The following VLDLR variants were observed in gnomAD, a reference collection of about 807,000 sequenced individuals.
The protein encoded by VLDLR is very low density lipoprotein receptor.
Under a neutral mutation model 112.7 loss-of-function variants are expected in VLDLR, and 81 were observed. The ratio of observed to expected loss-of-function variants is 0.72; its 90% CI spans 0.60 to 0.86. The LOEUF (loss-of-function observed/expected upper bound fraction) is 0.86. VLDLR is among the 40% of genes least tolerant of loss of function. VLDLR has a pLI of 0.00. For synonymous variants in VLDLR, 436 were observed against 384.8 expected, an observed-to-expected ratio of 1.13 and a Z score of -1.56; for missense variants, 1,237 against 1,099.4, an observed-to-expected ratio of 1.13 and a Z score of -1.77.
At chr9:2,643,113 G>C (rs1242366513) in intron 4 of VLDLR, 47 bp from the exon 5 acceptor site, 1 of 1,600,690 alleles carries the variant, frequency 6.2e-7, no homozygotes, top group Non-Finnish European at 8.5e-7. Context: ...AATCTTGAAC[G>C]GACCAATCTT....
At position 2,622,169 on chromosome 9, in the gene VLDLR, G is replaced by A. The variant is rs1816822059; in HGVS notation, c.-21G>A. 1 of 1,427,312 alleles carries A rather than the reference G, an allele frequency of 7.0e-7. No individual in the cohort carries two copies. Among genetic ancestry groups the A allele is most frequent in the Non-Finnish European group, 9.2e-7 (1 of 1,084,382 alleles). The allele number at this position is 1,427,312 out of a possible 1,614,324, so 88.4% of individuals were successfully genotyped here. ...GAACGGCGGCGGCGGCGGCGGCGGC[G>A]GCACCATCCAGGCGGGCACCATGGG... On this transcript the variant is annotated 5_prime_UTR_variant, in exon 1 of 19. Coordinates refer to ENST00000382100, the MANE Select transcript of VLDLR (RefSeq NM_003383.5).
intron 11 of VLDLR, among the ~76,000 whole-genome samples, chr9:2,647,268 T>C (rs1219353834): frequency 6.6e-6 from 1 of 152,190 alleles, no homozygotes; most frequent in African/African-American, 2.4e-5. Flanking sequence ...CAGACAAACA[T>C]AGATTATTAT....
chr9:2,640,288 A>G (rs1817770004), intron 3 of VLDLR, among the ~76,000 whole-genome samples: 1 of 152,214 alleles, frequency 6.6e-6, no homozygotes, highest in Admixed American at 6.5e-5. Context: ...TGTTTATAAT[A>G]ACTGAGCAGA....
intron 1 of VLDLR, among the ~76,000 whole-genome samples, chr9:2,624,605 C>G (rs34044487): frequency 0.01 from 1,545 of 152,234 alleles, 21 homozygotes; most frequent in African/African-American, 0.035. Context: ...TTTTTGAGAG[C>G]TATTCATATA....
chr9:2,652,309 T>C (rs1818386929), intron 17 of VLDLR, among the ~76,000 whole-genome samples: 1 of 152,228 alleles, frequency 6.6e-6, no homozygotes, highest in Non-Finnish European at 1.5e-5. Flanking sequence ...GATGCACAAA[T>C]GCTTAAATGC....
chr9:2,635,212 C>T (rs1167924567), intron 1 of VLDLR, among the ~76,000 whole-genome samples: 1 of 152,078 alleles, frequency 6.6e-6, no homozygotes, highest in African/African-American at 2.4e-5. Flanking sequence ...GAATGTAGCC[C>T]CTTGGCTGCA....
rs1023565797 is a variant in VLDLR at position 2,658,257 on chromosome 9, A to G, written c.*4389A>G. ...ATCCATAGATAAATAAGCTACTAACAAACTGATAACAGTGGTGTTCCATCT... is the reference window on the plus strand; with the variant it reads ...ATCCATAGATAAATAAGCTACTAACGAACTGATAACAGTGGTGTTCCATCT... On this transcript the variant is annotated 3_prime_UTR_variant, in exon 19 of 19. Transcript: ENST00000382100. The G allele has an allele frequency of 6.6e-6, 1 of 152,236 alleles. No individual in the cohort carries two copies. The highest frequency in any genetic ancestry group is 1.5e-5 in the Non-Finnish European group (1 of 68,044). The allele number at this position is 152,236 out of a possible 1,614,324, so 9.4% of individuals were successfully genotyped here.
rs1817232253 is a variant in VLDLR at position 2,629,218 on chromosome 9, C to G, written c.83-6235C>G. On this transcript the variant is annotated intron_variant, in intron 1 of 18. Coordinates refer to ENST00000382100, the MANE Select transcript of VLDLR (RefSeq NM_003383.5). ...GATGCACACGGGAGCTTGAGAACGA[C>G]TGACTTAGTTTACCACTCACAGAAG... Among the ~76,000 whole-genome samples the G allele has an allele frequency of 2.6e-5, 4 of 152,226 alleles. No homozygotes were observed. The South Asian group carries it at 8.3e-4, about 32-fold the overall frequency.
At position 2,653,924 on chromosome 9, in the gene VLDLR, T is replaced by A. The variant is rs1586663065; in HGVS notation, c.*56T>A. 1.3e-6 allele frequency: 2 copies of A among 1,588,934 alleles called. No individual in the cohort carries two copies. Among genetic ancestry groups the A allele is most frequent in the South Asian group, 2.2e-5 (2 of 90,540 alleles). On this transcript the variant is annotated 3_prime_UTR_variant, in exon 19 of 19. Coordinates refer to ENST00000382100, the MANE Select transcript of VLDLR (RefSeq NM_003383.5). ...TAAACAAATAATACCCCCGTCGGAA[T>A]GGTAACCGAGCCAGCAGCTGAAGTC...
intron 1 of VLDLR, among the ~76,000 whole-genome samples, chr9:2,623,855 A>G (rs936963892): frequency 3.9e-5 from 6 of 152,154 alleles, no homozygotes; most frequent in African/African-American, 9.7e-5. Flanking sequence ...GAGCCTAGAA[A>G]AGCTCTGCTT....
In VLDLR at chr9:2,643,676, G is replaced by A. The variant is rs1457424699; in HGVS notation, c.869G>A (p.Cys290Tyr). ...CAATTTGAATGTGAGGATGGCAGCTGCATCCATGGCAGCAGGCAGTGTAAT... is the reference window on the plus strand; with the variant it reads ...CAATTTGAATGTGAGGATGGCAGCTACATCCATGGCAGCAGGCAGTGTAAT... Reference protein sequence around the residue: ...PDQFECEDGSCIHGSRQCNGI... With the variant: ...PDQFECEDGSYIHGSRQCNGI... The change falls in exon 6 of 19, where the codon TGC (cysteine) becomes TAC (tyrosine). Residue 290 changes from cysteine to tyrosine, a missense_variant. Coordinates refer to ENST00000382100, the MANE Select transcript of VLDLR (RefSeq NM_003383.5). 1 of 1,614,200 alleles carries A rather than the reference G, an allele frequency of 6.2e-7. No homozygotes were observed. Among genetic ancestry groups the A allele is most frequent in the East Asian group, 2.2e-5 (1 of 44,888 alleles).
At position 2,623,600 on chromosome 9, in the gene VLDLR, G is replaced by A. The variant is rs553185000; in HGVS notation, c.82+1329G>A. ...CCCTGCCCTTTGGTTGCCACTGTCCGGAGCGTGTGAACTGGGACTGGCCTT... is the reference window on the plus strand; with the variant it reads ...CCCTGCCCTTTGGTTGCCACTGTCCAGAGCGTGTGAACTGGGACTGGCCTT... On this transcript the variant is annotated intron_variant, in intron 1 of 18. Transcript: ENST00000382100. Among the ~76,000 whole-genome samples, 4 of 152,320 alleles carry A rather than the reference G, an allele frequency of 2.6e-5. No homozygotes were observed. The South Asian group carries it at 8.3e-4, about 32-fold the overall frequency.
intron 1 of VLDLR, among the ~76,000 whole-genome samples, chr9:2,624,557 A>G (rs1817001239): frequency 6.6e-6 from 1 of 152,226 alleles, no homozygotes. Flanking sequence ...CTGTGGTATG[A>G]TATATTCTTT....
Position 2,645,653 on chromosome 9 carries a change from A to G in VLDLR, c.1392A>G (p.Leu464=). 1 of 1,614,220 alleles carries G rather than the reference A, an allele frequency of 6.2e-7. No homozygotes were observed. Among genetic ancestry groups the G allele is most frequent in the Non-Finnish European group, 8.5e-7 (1 of 1,180,036 alleles). ...TAGAGAGGAAAGAATATATCCAACT[A>G]GTTGAACAGCTAAGAAACACTGTGG... ...IGLERKEYIQ[L]VEQLRNTVAL... Residue 464 remains leucine, a synonymous_variant, in exon 10 of 19, where the codon CTA becomes CTG. Coordinates refer to ENST00000382100, the MANE Select transcript of VLDLR (RefSeq NM_003383.5).
rs1277705656 is a variant in VLDLR at position 2,643,848 on chromosome 9, T to G, written c.955T>G (p.Leu319Val). ...GTTTCTCTTTGTAGTCAATCAGTGC[T>G]TGGGCCCTGGAAAATTCAAGTGCAG... is the stretch of plus-strand genomic sequence containing the variant. ...EVNCKNVNQC[L>V]GPGKFKCRSG... The change falls in exon 7 of 19, where the codon TTG becomes GTG. Residue 319 changes from leucine to valine, a missense_variant. Coordinates refer to ENST00000382100, the MANE Select transcript of VLDLR (RefSeq NM_003383.5). 1 of 1,614,194 alleles carries G rather than the reference T, an allele frequency of 6.2e-7. No individual in the cohort carries two copies. The highest frequency in any genetic ancestry group is 1.7e-5 in the Admixed American group (1 of 60,030).
At position 2,639,817 on chromosome 9, in the gene VLDLR, G is replaced by A. The variant is rs189034024; in HGVS notation, c.203-42G>A. 1.5e-3 allele frequency: 2,350 copies of A among 1,613,960 alleles called. 5 individuals carry two copies. The highest frequency in any genetic ancestry group is 1.8e-3 in the Middle Eastern group (11 of 6,062). On this transcript the variant is annotated intron_variant, in intron 2 of 18. Transcript: ENST00000382100. ...CCCTCATGTGAAGCTAGGGCTGTGG[G>A]TAAATGACTTCAACTTTAACCCTTC...
chr9:2,650,521 G>A lies in VLDLR; in HGVS notation c.2251+5G>A. ...AAAATGGCCGAGACTGTCAAAGTAAGGCATTTTGTGTTTCAACCACAAGTA... is the reference window on the plus strand; with the variant it reads ...AAAATGGCCGAGACTGTCAAAGTAAAGCATTTTGTGTTTCAACCACAAGTA... On this transcript the variant is annotated splice_donor_5th_base_variant and intron_variant, in intron 15 of 18. Transcript: ENST00000382100. 1 of 1,613,092 alleles carries A rather than the reference G, an allele frequency of 6.2e-7. No homozygotes were observed. The highest frequency in any genetic ancestry group is 8.5e-7 in the Non-Finnish European group (1 of 1,179,932).
Position 2,659,135 on chromosome 9 carries a change from T to C in VLDLR, c.*5267T>C, listed in dbSNP as rs1280504657. 6.6e-6 allele frequency: 1 copy of C among 152,182 alleles called. No homozygotes were observed. The highest frequency in any genetic ancestry group is 2.4e-5 in the African/African-American group (1 of 41,446). The allele number at this position is 152,182 out of a possible 1,614,324, so 9.4% of individuals were successfully genotyped here. A position where few individuals can be genotyped will look rare whatever the true frequency, so the allele number is the denominator to read the frequency against. On this transcript the variant is annotated 3_prime_UTR_variant, in exon 19 of 19. Transcript: ENST00000382100. ...TTTGTACTAAGTAAGTGCTCCCAAGTCTTTTACTTGCTCTTCACAGCAACC... is the reference window on the plus strand; with the variant it reads ...TTTGTACTAAGTAAGTGCTCCCAAGCCTTTTACTTGCTCTTCACAGCAACC...
chr9:2,640,475 T>C (rs1817776400), intron 3 of VLDLR, among the ~76,000 whole-genome samples: 1 of 152,186 alleles, frequency 6.6e-6, no homozygotes, highest in Non-Finnish European at 1.5e-5. Context: ...GTTACTAAAA[T>C]GGAGATCTTA....
Sources: allele counts gnomAD v4.1 joint callset (sites outside exome capture counted in the v4.1 genomes callset), GRCh38; gene constraint gnomAD v4.1.1; transcripts MANE v1.5; gene names NCBI Gene and HGNC (gene_info 2026-07-23, HGNC 2026-07-21).